The following GABRB2 variants were observed in gnomAD, a reference collection of about 807,000 sequenced individuals.
The protein encoded by GABRB2 is gamma-aminobutyric acid receptor subunit beta-2.
Under a neutral mutation model 54.7 loss-of-function variants are expected in GABRB2, and 16 were observed. The observed-to-expected ratio is 0.29, with a 90% CI of 0.20 to 0.44. GABRB2 has a LOEUF of 0.44. Among genes scored for constraint, GABRB2 ranks in the 20% least tolerant of loss-of-function variants. The pLI, the probability that GABRB2 is intolerant of heterozygous loss-of-function variation, is 1.00. For missense variants in GABRB2, 355 were observed against 644.0 expected (o/e 0.55, Z 4.86); for synonymous variants, 244 against 233.8 (o/e 1.04, Z -0.40).
chr5:161,442,485 C>T (rs1459104320), intron 4 of GABRB2, among the ~76,000 whole-genome samples: 1 of 152,208 alleles, frequency 6.6e-6, no homozygotes, highest in Non-Finnish European at 1.5e-5. Flanking sequence ...GGAAACCAAA[C>T]CATGCTGTCC....
At chr5:161,299,043 G>T (rs1757462807) in intron 9 of GABRB2, among the ~76,000 whole-genome samples, 1 of 152,114 alleles carries the variant, frequency 6.6e-6, no homozygotes. Context: ...CACTCTCAGT[G>T]CATGGTAGGG....
chr5:161,309,997 G>C (rs75462878), intron 9 of GABRB2, among the ~76,000 whole-genome samples: 1 of 152,120 alleles, frequency 6.6e-6, no homozygotes, highest in Non-Finnish European at 1.5e-5. Context: ...AAAGAAAAAC[G>C]TTACATCCTT....
intron 5 of GABRB2, among the ~76,000 whole-genome samples, chr5:161,358,883 G>T (rs1451025618): frequency 1.3e-5 from 2 of 152,130 alleles, no homozygotes; most frequent in Non-Finnish European, 2.9e-5. Flanking sequence ...TTCCAGCAAC[G>T]TCCAAGGCCT....
intron 4 of GABRB2, among the ~76,000 whole-genome samples, chr5:161,412,396 C>A (rs531235651): frequency 2.0e-5 from 3 of 152,252 alleles, no homozygotes; most frequent in African/African-American, 7.2e-5. Context: ...TCTGCTGCAC[C>A]GATTCCTTAC....
chr5:161,307,784 G>A (rs919669405), intron 9 of GABRB2, among the ~76,000 whole-genome samples: 1 of 151,810 alleles, frequency 6.6e-6, no homozygotes, highest in Admixed American at 6.6e-5. Flanking sequence ...CATTGCTATG[G>A]ATACTTGCAA....
intron 5 of GABRB2, among the ~76,000 whole-genome samples, chr5:161,355,382 GT>G (rs1483495092): frequency 2.0e-5 from 3 of 149,112 alleles, no homozygotes; most frequent in Admixed American, 6.7e-5. Flanking sequence ...ATATAATGAT[GT>G]CATAACAACT....
At chr5:161,503,118 G>A (rs906203982) in intron 3 of GABRB2, among the ~76,000 whole-genome samples, 9 of 151,622 alleles carry the variant, frequency 5.9e-5, no homozygotes, top group Non-Finnish European at 1.2e-4. Context: ...ATCAAGAGGC[G>A]ATTGTTGTTA....
chr5:161,485,890 G>T (rs1758908511), intron 3 of GABRB2, among the ~76,000 whole-genome samples: 1 of 151,992 alleles, frequency 6.6e-6, no homozygotes, highest in African/African-American at 2.4e-5. Flanking sequence ...GGGTGTGGGG[G>T]TGCATTAGGA....
At chr5:161,325,274 A>G (rs1413037598) in intron 9 of GABRB2, among the ~76,000 whole-genome samples, 1 of 152,198 alleles carries the variant, frequency 6.6e-6, no homozygotes, top group Non-Finnish European at 1.5e-5. Flanking sequence ...GAGCACAGAC[A>G]TAGTAGGTGA....
At chr5:161,336,089 C>G (rs571090073) in intron 6 of GABRB2, among the ~76,000 whole-genome samples, 1 of 152,084 alleles carries the variant, frequency 6.6e-6, no homozygotes, top group Non-Finnish European at 1.5e-5. Context: ...ATCTCCATGC[C>G]GTAAGGGTGA....
intron 3 of GABRB2, among the ~76,000 whole-genome samples, chr5:161,497,862 C>G (rs189616567): frequency 2.6e-5 from 4 of 152,088 alleles, no homozygotes; most frequent in African/African-American, 9.7e-5. Flanking sequence ...AAAGAAGCCT[C>G]TGGTGACTCT....
chr5:161,435,487 A>G (rs1757282703), intron 4 of GABRB2, among the ~76,000 whole-genome samples: 1 of 152,192 alleles, frequency 6.6e-6, no homozygotes, highest in African/African-American at 2.4e-5. Flanking sequence ...GTATTTCTAA[A>G]GGTATAATTA....
chr5:161,516,689 T>C (rs1270724665), intron 3 of GABRB2, among the ~76,000 whole-genome samples: 2 of 152,238 alleles, frequency 1.3e-5, no homozygotes, highest in Admixed American at 6.5e-5. Context: ...TGGATTTTAT[T>C]ATTGTAAGTT....
upstream of GABRB2, chr5:161,547,805 G>C (rs964673724): frequency 6.6e-6 from 1 of 152,152 alleles, no homozygotes; most frequent in Non-Finnish European, 1.5e-5. Context: ...CGCCCCGGCC[G>C]GTCCCCCAGC....
intron 5 of GABRB2, among the ~76,000 whole-genome samples, chr5:161,350,529 C>T (rs950867105): frequency 2.0e-5 from 3 of 151,996 alleles, no homozygotes; most frequent in Non-Finnish European, 4.4e-5. Flanking sequence ...TAAAATACAT[C>T]GAAGATAATA....
chr5:161,537,496 T>G (rs996790082), intron 3 of GABRB2, among the ~76,000 whole-genome samples: 1 of 152,180 alleles, frequency 6.6e-6, no homozygotes, highest in Non-Finnish European at 1.5e-5. Context: ...CTTCCCTACA[T>G]CAGTAAAGGA....
At position 161,356,270 on chromosome 5, in the gene GABRB2, A is replaced by T. The variant is rs867015497; in HGVS notation, c.542-19501T>A. On this transcript the variant is annotated intron_variant, in intron 5 of 9. Coordinates refer to ENST00000393959, the MANE Select transcript of GABRB2 (RefSeq NM_001371727.1). Reference sequence around the variant, plus strand: ...AGAAACCACCAGAATAATTCTATTTATTTTTTAAGTAGCAACATTATCTCC... The same window carrying T: ...AGAAACCACCAGAATAATTCTATTTTTTTTTTAAGTAGCAACATTATCTCC... Among the ~76,000 whole-genome samples the T allele has an allele frequency of 2.0e-5, 3 of 152,264 alleles. No individual in the cohort carries two copies. The South Asian group carries it at 6.2e-4, about 32-fold the overall frequency.
chr5:161,457,126 T>G (rs1038735971), intron 4 of GABRB2, among the ~76,000 whole-genome samples: 2 of 152,218 alleles, frequency 1.3e-5, no homozygotes, highest in African/African-American at 4.8e-5. Flanking sequence ...TCCTGATGAA[T>G]GTTCTTATTA....
chr5:161,364,320 T>C (rs1476786797), intron 5 of GABRB2, among the ~76,000 whole-genome samples: 2 of 152,218 alleles, frequency 1.3e-5, no homozygotes, highest in South Asian at 2.1e-4. Flanking sequence ...TTTAAATTCA[T>C]CTAGACATTG....
Sources: gnomAD v4.1 joint callset for allele counts (sites outside exome capture counted in the v4.1 genomes callset) on GRCh38, gnomAD v4.1.1 for gene constraint, MANE v1.5 for transcripts, NCBI Gene and HGNC (gene_info 2026-07-23, HGNC 2026-07-21) for gene names.